Variants in BHLHE40 observed in about 807,000 individuals in gnomAD.
BHLHE40 encodes basic helix-loop-helix family member e40, also known as class E basic helix-loop-helix protein 40.
BHLHE40 carries 3 observed loss-of-function variants against 35.7 expected under a neutral mutation model. The ratio of observed to expected loss-of-function variants is 0.08; its 90% confidence interval spans 0.04 to 0.22. The LOEUF (loss-of-function observed/expected upper bound fraction) is 0.22, where lower values mean the gene tolerates loss of function less well. Among genes scored for constraint, BHLHE40 ranks in the 10% least tolerant of loss-of-function variants. The pLI, the probability that BHLHE40 is intolerant of heterozygous loss-of-function variation, is 1.00. For missense variants in BHLHE40, 486 were observed against 524.0 expected, an observed-to-expected ratio of 0.93 and a Z score of 0.71; for synonymous variants, 236 against 213.0, an observed-to-expected ratio of 1.11 and a Z score of -0.94.
Position 4,979,456 on chromosome 3 carries a change from C to T in BHLHE40, c.-263C>T, listed in dbSNP as rs1235697808. 1 of 369,234 alleles carries T rather than the reference C, an allele frequency of 2.7e-6. No homozygotes were observed. The highest frequency in any genetic ancestry group is 5.0e-6 in the Non-Finnish European group (1 of 199,886). The allele number at this position is 369,234 out of a possible 1,614,324, so 22.9% of individuals were successfully genotyped here. ...CTTCTCATTCACTTGGCTCGCACGG[C>T]GCAGACAGACCGCGCAGGGAGCACA... On this transcript the variant is annotated 5_prime_UTR_variant, in exon 1 of 5. Transcript: ENST00000256495.
At position 4,979,734 on chromosome 3, in the gene BHLHE40, A is replaced by G; in HGVS notation, c.16A>G (p.Ser6Gly). The G allele has an allele frequency of 6.4e-7, 1 of 1,568,068 alleles. No individual in the cohort carries two copies. The highest frequency in any genetic ancestry group is 8.6e-7 in the Non-Finnish European group (1 of 1,156,718). ...TCGCCGCGCCATGGAGCGGATCCCC[A>G]GCGCGCAACCACCCCCCGCCTGCCT... MERIPSAQPPPACLPK... is the reference protein window; with the variant it reads MERIPGAQPPPACLPK... The change falls in exon 1 of 5, where the codon AGC becomes GGC. Residue 6 changes from serine to glycine, a missense_variant. By Grantham distance (56) the Ser-to-Gly change is moderately conservative. Coordinates refer to ENST00000256495, the MANE Select transcript of BHLHE40 (RefSeq NM_003670.3).
At position 4,982,840 on chromosome 3, in the gene BHLHE40, G is replaced by A; in HGVS notation, c.387G>A (p.Glu129=). The change falls in exon 5 of 5, where the codon GAG becomes GAA. Residue 129 remains glutamate (E), a synonymous_variant. Transcript: ENST00000256495. ...IALQSGLQAG[E]LSGRNVETGQ... ...TTCGGATTTTTCTTTCCCCAGGTGAGCTGTCAGGGAGAAATGTCGAAACAG... is the reference window on the plus strand; with the variant it reads ...TTCGGATTTTTCTTTCCCCAGGTGAACTGTCAGGGAGAAATGTCGAAACAG... 6.2e-7 allele frequency: 1 copy of A among 1,613,986 alleles called. No homozygotes were observed. Among genetic ancestry groups the A allele is most frequent in the Middle Eastern group, 1.7e-4 (1 of 6,024 alleles).
rs372924886 is a variant in BHLHE40, at chr3:4,985,078, C to T, written c.*1386C>T. On this transcript the variant is annotated 3_prime_UTR_variant, in exon 5 of 5. Coordinates refer to ENST00000256495, the MANE Select transcript of BHLHE40 (RefSeq NM_003670.3). Reference sequence around the variant, plus strand: ...GAGGTACAGTGTTTATATTTTGGAGCCTTCCTGAAGGTGTAAAATTGTAAA... The same window carrying T: ...GAGGTACAGTGTTTATATTTTGGAGTCTTCCTGAAGGTGTAAAATTGTAAA... The T allele has an allele frequency of 6.6e-6, 1 of 152,176 alleles. No individual in the cohort carries two copies. The highest frequency in any genetic ancestry group is 6.6e-5 in the Admixed American group (1 of 15,252). 9.4% of individuals were successfully genotyped at this position (152,176 alleles called of 1,614,324 possible). A position where few individuals can be genotyped will look rare whatever the true frequency, so the allele number is the denominator to read the frequency against.
chr3:4,983,374 C>G lies in BHLHE40; in HGVS notation c.921C>G (p.Ile307Met), dbSNP rs759682921. 1.2e-6 allele frequency: 2 copies of G among 1,614,204 alleles called. No individual in the cohort carries two copies. Among genetic ancestry groups the G allele is most frequent in the Non-Finnish European group, 8.5e-7 (1 of 1,180,042 alleles). The change falls in exon 5 of 5, where the codon ATC becomes ATG. Residue 307 changes from isoleucine to methionine, a missense_variant. Ile to Met is a conservative substitution (Grantham distance 10). This residue lies in a region of BHLHE40 where 206 missense variants were observed against 208.9 expected (regional missense o/e 0.99). Transcript: ENST00000256495. This position sits in a 1 kb window ranked among gnomAD's most constrained non-coding sequence, Gnocchi z 5.0. ...GCCATTTCACTAGCAGTGACCTGAT[C>G]AGCTCCCCGTTCCTGGGCCCACACC... ...DEGHFTSSDL[I>M]SSPFLGPHPH...
rs780329841 is a variant in BHLHE40 at position 4,983,053 on chromosome 3, C to T, written c.600C>T (p.Asp200=). 1 of 1,614,160 alleles carries T rather than the reference C, an allele frequency of 6.2e-7. No individual in the cohort carries two copies. ...CAGACCCAGCTCCCAAAGTGATGGA[C>T]TTCAAGGAAAAACCCAGCTCTCCGG... ...KPSDPAPKVM[D]FKEKPSSPAK... Residue 200 remains aspartate, a synonymous_variant, in exon 5 of 5, where the codon GAC becomes GAT. Transcript: ENST00000256495. The surrounding 1 kb of genome is among the most constrained non-coding windows in gnomAD (Gnocchi z 5.0).
At position 4,983,479 on chromosome 3, in the gene BHLHE40, C is replaced by T; in HGVS notation, c.1026C>T (p.Cys342=). Residue 342 remains cysteine (C), a synonymous_variant, in exon 5 of 5, where the codon TGC becomes TGT. Coordinates refer to ENST00000256495, the MANE Select transcript of BHLHE40 (RefSeq NM_003670.3). The surrounding 1 kb of genome is among the most constrained non-coding windows in gnomAD (Gnocchi z 5.0). ...CCTACCTGCCCATGCTGGAGAAGTGCTGGTATCCCACCTCAGTGCCAGTGC... is the reference window on the plus strand; with the variant it reads ...CCTACCTGCCCATGCTGGAGAAGTGTTGGTATCCCACCTCAGTGCCAGTGC... ...ATAYLPMLEK[C]WYPTSVPVLY... 1 of 1,614,182 alleles carries T rather than the reference C, an allele frequency of 6.2e-7. No homozygotes were observed. Among genetic ancestry groups the T allele is most frequent in the South Asian group, 1.1e-5 (1 of 91,088 alleles).
rs777186528 is a variant in BHLHE40, at chr3:4,983,073, C to G, written c.620C>G (p.Ser207Cys). ...ATGGACTTCAAGGAAAAACCCAGCTCTCCGGCCAAAGGTTCGGAAGGTCCT... is the reference window on the plus strand; with the variant it reads ...ATGGACTTCAAGGAAAAACCCAGCTGTCCGGCCAAAGGTTCGGAAGGTCCT... ...KVMDFKEKPS[S>C]PAKGSEGPGK... Residue 207 changes from serine (S) to cysteine (C), a missense_variant, in exon 5 of 5, where the codon TCT (serine) becomes TGT (cysteine). Around this residue, in one of 5 missense-constraint regions of BHLHE40, gnomAD observed 176 missense variants for 180.5 expected, o/e 0.98. Coordinates refer to ENST00000256495, the MANE Select transcript of BHLHE40 (RefSeq NM_003670.3). This position sits in a 1 kb window ranked among gnomAD's most constrained non-coding sequence, Gnocchi z 5.0. 1 of 1,614,172 alleles carries G rather than the reference C, an allele frequency of 6.2e-7. No individual in the cohort carries two copies. Among genetic ancestry groups the G allele is most frequent in the East Asian group, 2.2e-5 (1 of 44,884 alleles).
Position 4,979,664 on chromosome 3 carries a change from C to A in BHLHE40, c.-55C>A, listed in dbSNP as rs1252073205. 49 of 1,541,088 alleles carry A rather than the reference C, an allele frequency of 3.2e-5. No homozygotes were observed. The highest frequency in any genetic ancestry group is 4.3e-5 in the Non-Finnish European group (49 of 1,139,942). On this transcript the variant is annotated 5_prime_UTR_variant, in exon 1 of 5. Transcript: ENST00000256495. ...AAGCCCTCTCCAGGGCAGTCCTCAT[C>A]CAGACGCTCCGCTAGTGCAGACAGG...
In BHLHE40 at chr3:4,983,818, A is replaced by AGCAGAT; in HGVS notation, c.*127_*132dup. The stretch of plus-strand genomic sequence containing the variant: ...TACTGAGATAATCTGAGGCATGGAG[A>AGCAGAT]GCAGATTCAGGGTGTGTGTGTGTGT... On this transcript the variant is annotated 3_prime_UTR_variant, in exon 5 of 5. Coordinates refer to ENST00000256495, the MANE Select transcript of BHLHE40 (RefSeq NM_003670.3). The surrounding 1 kb of genome is among the most constrained non-coding windows in gnomAD (Gnocchi z 5.0). 2 of 1,199,942 alleles carry AGCAGAT rather than the reference A, an allele frequency of 1.7e-6. No homozygotes were observed. The allele number at this position is 1,199,942 out of a possible 1,614,324, so 74.3% of individuals were successfully genotyped here.
At chr3:4,980,128 C>G (rs2053178527) in intron 2 of BHLHE40, 97 bp downstream of exon 2, 1 of 1,352,300 alleles carries the variant, frequency 7.4e-7, no homozygotes, top group Admixed American at 1.7e-5. Flanking sequence ...CGAGGGGATG[C>G]AGGGTGTGGG....
In BHLHE40 at chr3:4,980,711, A is replaced by G. The variant is rs113462363; in HGVS notation, c.258+303A>G. On this transcript the variant is annotated intron_variant, in intron 3 of 4. Transcript: ENST00000256495. The stretch of plus-strand genomic sequence containing the variant: ...TTTTTCTCACTTAAAGGAACACGCC[A>G]AGAAACACACACATTTTATTTACCC... Among the ~76,000 whole-genome samples, 1,234 of 152,236 alleles carry G rather than the reference A, an allele frequency of 8.1e-3. 23 individuals are homozygous for G. The highest frequency in any genetic ancestry group is 0.027 in the African/African-American group (1,141 of 41,520).
chr3:4,982,770 G>A (rs1019908752), intron 4 of BHLHE40, 66 bp from the exon 5 acceptor site: 24 of 1,573,148 alleles, frequency 1.5e-5, no homozygotes, highest in Non-Finnish European at 2.1e-5. Context: ...TGGTTTTTTG[G>A]AGTATAGTTT....
rs2053212244 is a variant in BHLHE40, at chr3:4,983,075, C to G, written c.622C>G (p.Pro208Ala). The G allele has an allele frequency of 6.2e-7, 1 of 1,614,144 alleles. No individual in the cohort carries two copies. The highest frequency in any genetic ancestry group is 1.1e-5 in the South Asian group (1 of 91,082). The change falls in exon 5 of 5, where the codon CCG becomes GCG. Residue 208 changes from proline (P) to alanine (A), a missense_variant. Physicochemically the swap from Pro to Ala is conservative, Grantham distance 27 (BLOSUM62 -1). Around this residue, in one of 5 missense-constraint regions of BHLHE40, gnomAD observed 176 missense variants for 180.5 expected, o/e 0.98. Coordinates refer to ENST00000256495, the MANE Select transcript of BHLHE40 (RefSeq NM_003670.3). This position sits in a 1 kb window ranked among gnomAD's most constrained non-coding sequence, Gnocchi z 5.0. ...GGACTTCAAGGAAAAACCCAGCTCT[C>G]CGGCCAAAGGTTCGGAAGGTCCTGG... The part of the protein sequence containing the change: ...VMDFKEKPSS[P>A]AKGSEGPGKN...
In BHLHE40 at chr3:4,984,518, A is replaced by T. The variant is rs747512348; in HGVS notation, c.*826A>T. 2.0e-5 allele frequency: 3 copies of T among 152,364 alleles called. No homozygotes were observed. The highest frequency in any genetic ancestry group is 4.4e-5 in the Non-Finnish European group (3 of 68,190). The allele number at this position is 152,364 out of a possible 1,614,324, so 9.4% of individuals were successfully genotyped here. A position where few individuals can be genotyped will look rare whatever the true frequency, so the allele number is the denominator to read the frequency against. ...CCAAACCAAGGTCTGAGAAATGCGG[A>T]CACCCCGAGCGAGCACCCCAAAGTG... On this transcript the variant is annotated 3_prime_UTR_variant, in exon 5 of 5. Coordinates refer to ENST00000256495, the MANE Select transcript of BHLHE40 (RefSeq NM_003670.3).
intron 2 of BHLHE40, 36 bp from the exon 3 acceptor site, chr3:4,980,265 C>G (rs779529917): frequency 6.3e-7 from 1 of 1,578,106 alleles, no homozygotes; most frequent in East Asian, 2.2e-5. Flanking sequence ...TCATCTCCTT[C>G]CCCAAGCGCC....
intron 3 of BHLHE40, among the ~76,000 whole-genome samples, chr3:4,981,053 G>C (rs1203107905): frequency 6.6e-6 from 1 of 151,772 alleles, no homozygotes; most frequent in Non-Finnish European, 1.5e-5. Context: ...AGTTAAGGTC[G>C]GCAGAGGCTG....
chr3:4,979,570 G>A lies in BHLHE40; in HGVS notation c.-149G>A, dbSNP rs1047566260. ...CCAACTGAAGCTGCATCTCAAAGCCGAAGATTCCAGCAGCCCAGGGGATTT... is the reference window on the plus strand; with the variant it reads ...CCAACTGAAGCTGCATCTCAAAGCCAAAGATTCCAGCAGCCCAGGGGATTT... On this transcript the variant is annotated 5_prime_UTR_variant, in exon 1 of 5. Transcript: ENST00000256495. The A allele has an allele frequency of 4.3e-5, 36 of 833,250 alleles. No individual in the cohort carries two copies. The East Asian group carries it at 5.4e-4, about 12-fold the overall frequency. The allele number at this position is 833,250 out of a possible 1,614,324, so 51.6% of individuals were successfully genotyped here.
In BHLHE40 at chr3:4,980,025, C is replaced by T; in HGVS notation, c.144C>T (p.Asp48=). ...KSRRGIKRSE[D]SKETYKLPHR... is the part of the protein sequence containing the mutation. ...GACGGGGAATAAAGCGGAGCGAGGA[C>T]AGCAAGGTAAGCAAGTGCACCCCTA... is the stretch of plus-strand genomic sequence containing the variant. Residue 48 remains aspartate (D), a synonymous_variant, in exon 2 of 5, where the codon GAC becomes GAT. Transcript: ENST00000256495. The T allele has an allele frequency of 1.9e-6, 3 of 1,614,168 alleles. No individual in the cohort carries two copies. The highest frequency in any genetic ancestry group is 2.5e-6 in the Non-Finnish European group (3 of 1,180,006).
In BHLHE40 at chr3:4,983,678, G is replaced by C. The variant is rs147880359; in HGVS notation, c.1225G>C (p.Glu409Gln). ...GAAGCCAATCCCCCCTTTAAACTTA[G>C]AAACCAAAGACTAAACTCTCTAGGG... ...ALKPIPPLNL[E>Q]TKD Residue 409 changes from glutamate to glutamine, a missense_variant, in exon 5 of 5, where the codon GAA becomes CAA. Glu to Gln is a conservative substitution (Grantham distance 29). This residue lies in a region of BHLHE40 where 206 missense variants were observed against 208.9 expected (regional missense o/e 0.99). Coordinates refer to ENST00000256495, the MANE Select transcript of BHLHE40 (RefSeq NM_003670.3). This position sits in a 1 kb window ranked among gnomAD's most constrained non-coding sequence, Gnocchi z 5.0. The C allele has an allele frequency of 3.5e-4, 562 of 1,607,628 alleles. 1 individual carries two copies. The highest frequency in any genetic ancestry group is 1.5e-4 in the Non-Finnish European group (174 of 1,175,956).
Sources: gnomAD v4.1 joint callset for allele counts (sites outside exome capture counted in the v4.1 genomes callset) on GRCh38, gnomAD v4.1.1 for gene constraint, gnomAD v4.1.1 regional missense constraint, Gnocchi (gnomAD v3.1) non-coding constraint, MANE v1.5 for transcripts, NCBI Gene and HGNC (gene_info 2026-07-23, HGNC 2026-07-21) for gene names.